Variants in MRGPRX3 observed in about 807,000 individuals in gnomAD.
MRGPRX3 encodes MAS related GPR family member X3, also known as mas-related G protein-coupled receptor member X3.
MRGPRX3 carries 14 observed loss-of-function variants against 16.5 expected under a neutral mutation model. That is an observed-to-expected ratio of 0.85 (90% CI 0.56 to 1.33). MRGPRX3 has a LOEUF of 1.33. Among genes scored for constraint, MRGPRX3 ranks in the 40% most tolerant of loss-of-function variants. The pLI is 0.00. For missense variants in MRGPRX3, 449 were observed against 413.0 expected (o/e 1.09, Z -0.76); for synonymous variants, 199 against 180.1 (o/e 1.10, Z -0.84).
chr11:18,127,493 C>G (rs149323780), intron 1 of MRGPRX3, among the ~76,000 whole-genome samples: 4,372 of 138,986 alleles, frequency 0.031, 198 homozygotes, highest in African/African-American at 0.11. Flanking sequence ...TTTCTCTAAA[C>G]TTCTCTTCTT....
chr11:18,128,535 C>T (rs1848926039), upstream of MRGPRX3, among the ~76,000 whole-genome samples: 1 of 152,208 alleles, frequency 6.6e-6, no homozygotes, highest in African/African-American at 2.4e-5. Flanking sequence ...GACTACTGTG[C>T]TAGCAATGAG....
intron 1 of MRGPRX3, among the ~76,000 whole-genome samples, chr11:18,136,496 A>G (rs898288272): frequency 1.3e-5 from 2 of 152,358 alleles, no homozygotes; most frequent in African/African-American, 4.8e-5. Flanking sequence ...ATCTAATTAT[A>G]TGTGTGTGTT....
intron 1 of MRGPRX3, among the ~76,000 whole-genome samples, chr11:18,135,073 G>A (rs1184159728): frequency 6.6e-6 from 1 of 152,150 alleles, no homozygotes; most frequent in Non-Finnish European, 1.5e-5. Flanking sequence ...GTCTCGTGCA[G>A]GACTCCAGGG....
chr11:18,124,357 C>T (rs554780666), intron 1 of MRGPRX3, among the ~76,000 whole-genome samples: 10 of 152,002 alleles, frequency 6.6e-5, no homozygotes, highest in East Asian at 1.9e-4. Flanking sequence ...TTTTGAGATA[C>T]GTCCCATCAA....
chr11:18,133,467 A>T (rs1328273344), intron 1 of MRGPRX3, among the ~76,000 whole-genome samples: 1 of 152,164 alleles, frequency 6.6e-6, no homozygotes, highest in Non-Finnish European at 1.5e-5. Context: ...CTTGTGGGAG[A>T]TGATTATTAG....
rs775418110 is a variant in MRGPRX3 at position 18,138,082 on chromosome 11, G to A, written c.880G>A (p.Ala294Thr). 6.2e-7 allele frequency: 1 copy of A among 1,614,186 alleles called. No homozygotes were observed. Residue 294 changes from alanine to threonine, a missense_variant, in exon 2 of 2, where the codon GCT becomes ACT. Physicochemically the swap from Ala to Thr is moderately conservative, Grantham distance 58 (BLOSUM62 0). Coordinates refer to ENST00000621697, the MANE Select transcript of MRGPRX3 (RefSeq NM_001370464.1). Reference protein sequence around the residue: ...RQNLKLVLQRALQDTPEVDEG... With the variant: ...RQNLKLVLQRTLQDTPEVDEG... ...GAACCTGAAGCTGGTTCTCCAGAGG[G>A]CTCTGCAGGACACGCCTGAGGTGGA...
intron 1 of MRGPRX3, among the ~76,000 whole-genome samples, chr11:18,126,799 T>C (rs1371730516): frequency 6.6e-6 from 1 of 152,250 alleles, no homozygotes; most frequent in Non-Finnish European, 1.5e-5. Context: ...GCTTCATCCA[T>C]GTCCCTACAA....
rs1355462418 is a variant in MRGPRX3, at chr11:18,137,522, T to C, written c.320T>C (p.Phe107Ser). Residue 107 changes from phenylalanine (F) to serine (S), a missense_variant, in exon 2 of 2, where the codon TTT (phenylalanine) becomes TCT (serine). Transcript: ENST00000621697. The part of the protein sequence containing the change: ...ILSPVMTFPY[F>S]IGLSMLSAIS... ...AGTCCTGTGATGACCTTTCCCTACT[T>C]TATAGGCCTAAGCATGCTGAGCGCC... The C allele has an allele frequency of 6.2e-7, 1 of 1,614,086 alleles. No homozygotes were observed. Among genetic ancestry groups the C allele is most frequent in the African/African-American group, 1.3e-5 (1 of 75,010 alleles).
chr11:18,122,657 G>A (rs188804021), intron 1 of MRGPRX3, among the ~76,000 whole-genome samples: 3 of 152,316 alleles, frequency 2.0e-5, no homozygotes, highest in African/African-American at 4.8e-5. Context: ...ACGTGTGCAT[G>A]TGTCTTTATA....
intron 1 of MRGPRX3, among the ~76,000 whole-genome samples, chr11:18,123,669 G>A (rs1344921640): frequency 3.9e-5 from 6 of 152,098 alleles, no homozygotes; most frequent in Non-Finnish European, 8.8e-5. Flanking sequence ...TTGGCAACGC[G>A]GGCTCTTTTT....
rs566493240 is a variant in MRGPRX3 at position 18,132,930 on chromosome 11, C to T, written c.-26+191C>T. Among the ~76,000 whole-genome samples, 7 of 152,176 alleles carry T rather than the reference C, an allele frequency of 4.6e-5. No individual in the cohort carries two copies. In the East Asian group the frequency reaches 9.7e-4, roughly 21 times the overall value. On this transcript the variant is annotated intron_variant, in intron 1 of 1. Coordinates refer to ENST00000621697, the MANE Select transcript of MRGPRX3 (RefSeq NM_001370464.1). The stretch of plus-strand genomic sequence containing the variant: ...AACTGTGTGAGCTCTAAATGGTGTC[C>T]CCCCTTCTAATTTATCTCCCCATAT...
intron 1 of MRGPRX3, among the ~76,000 whole-genome samples, chr11:18,133,320 A>C (rs189467839): frequency 6.6e-6 from 1 of 152,320 alleles, no homozygotes; most frequent in Non-Finnish European, 1.5e-5. Flanking sequence ...CTGTAGCCAT[A>C]AGGGTGGGAG....
rs1252063988 is a variant in MRGPRX3 at position 18,138,291 on chromosome 11, T to G, written c.*120T>G. Reference sequence around the variant, plus strand: ...GAAATGTCTCAGTGGTCCCTCAAGGTCTTCGAATAGATGTTTATCTAACCT... The same window carrying G: ...GAAATGTCTCAGTGGTCCCTCAAGGGCTTCGAATAGATGTTTATCTAACCT... On this transcript the variant is annotated 3_prime_UTR_variant, in exon 2 of 2. Transcript: ENST00000621697. 6.8e-7 allele frequency: 1 copy of G among 1,463,740 alleles called. No homozygotes were observed. Among genetic ancestry groups the G allele is most frequent in the Non-Finnish European group, 9.2e-7 (1 of 1,091,046 alleles). The allele number at this position is 1,463,740 out of a possible 1,614,324, so 90.7% of individuals were successfully genotyped here.
intron 1 of MRGPRX3, among the ~76,000 whole-genome samples, chr11:18,134,337 CA>C (rs1848989120): frequency 6.6e-6 from 1 of 152,074 alleles, no homozygotes; most frequent in Non-Finnish European, 1.5e-5. Flanking sequence ...GAAACTTTTC[CA>C]AAAATAAAGG....
Position 18,132,749 on chromosome 11 carries a change from A to G in MRGPRX3, c.-26+10A>G, listed in dbSNP as rs1848973827. 6.6e-6 allele frequency: 1 copy of G among 152,254 alleles called. No homozygotes were observed. The allele number at this position is 152,254 out of a possible 1,614,324, so 9.4% of individuals were successfully genotyped here. On this transcript the variant is annotated intron_variant, in intron 1 of 1. Transcript: ENST00000621697. Reference sequence around the variant, plus strand: ...AGAAGGAACGATAAGGGTAAGTACCAAGAACTCTCTTCTTCCACAGTCAGT... The same window carrying G: ...AGAAGGAACGATAAGGGTAAGTACCGAGAACTCTCTTCTTCCACAGTCAGT...
chr11:18,130,202 T>C (rs570810621), upstream of MRGPRX3, among the ~76,000 whole-genome samples: 1 of 152,140 alleles, frequency 6.6e-6, no homozygotes, highest in South Asian at 2.1e-4. Flanking sequence ...GAGAAAGAAA[T>C]CAAGGGCACC....
chr11:18,130,231 G>T (rs2134082536), upstream of MRGPRX3, among the ~76,000 whole-genome samples: 1 of 152,214 alleles, frequency 6.6e-6, no homozygotes, highest in Admixed American at 6.5e-5. Flanking sequence ...TAAAGAGGAA[G>T]TCAAACTGTC....
chr11:18,125,796 T>A (rs1339372921), intron 1 of MRGPRX3, among the ~76,000 whole-genome samples: 1 of 152,174 alleles, frequency 6.6e-6, no homozygotes, highest in Admixed American at 6.6e-5. Context: ...GGTATTAAAG[T>A]CTCCCATTAT....
intron 1 of MRGPRX3, among the ~76,000 whole-genome samples, chr11:18,124,088 G>C (rs1436060840): frequency 1.3e-5 from 2 of 152,176 alleles, no homozygotes; most frequent in Non-Finnish European, 2.9e-5. Context: ...GAGATTTTGG[G>C]CTGAGACGAT....
Sources: gnomAD v4.1 joint callset for allele counts (sites outside exome capture counted in the v4.1 genomes callset) on GRCh38, gnomAD v4.1.1 for gene constraint, MANE v1.5 for transcripts, NCBI Gene and HGNC (gene_info 2026-07-23, HGNC 2026-07-21) for gene names.